Variants in GNA11 observed in about 807,000 individuals in gnomAD.
The protein encoded by GNA11 is G protein subunit alpha 11, also known as guanine nucleotide-binding protein subunit alpha-11.
GNA11 carries 8 observed loss-of-function variants against 38.2 expected under a neutral mutation model. The ratio of observed to expected loss-of-function variants is 0.21; its 90% CI spans 0.12 to 0.38. GNA11 has a LOEUF of 0.38. GNA11 is among the 10% of genes least tolerant of loss of function. The probability of loss-of-function intolerance (pLI) is 1.00; values close to 1 mark genes in which losing one functional copy is unlikely to be tolerated. For missense variants in GNA11, 268 were observed against 516.3 expected (o/e 0.52, Z 4.66); for synonymous variants, 211 against 221.4 (o/e 0.95, Z 0.42).
Position 3,094,430 on chromosome 19 carries a change from T to C in GNA11, c.-222T>C, listed in dbSNP as rs1019667781. 2 of 146,372 alleles carry C rather than the reference T, an allele frequency of 1.4e-5. No homozygotes were observed. The highest frequency in any genetic ancestry group is 2.5e-5 in the African/African-American group (1 of 40,364). The allele number at this position is 146,372 out of a possible 1,614,324, so 9.1% of individuals were successfully genotyped here. On this transcript the variant is annotated 5_prime_UTR_variant, in exon 1 of 7. Transcript: ENST00000078429. The surrounding 1 kb of genome is among the most constrained non-coding windows in gnomAD (Gnocchi z 6.0). ...CGGTGGCTGCGGCGGCGGCGCGGGC[T>C]GAGTGCGGCCGCGCGGGAGTCCGCG...
At chr19:3,115,282 G>A in intron 4 of GNA11, 1 of 508,980 alleles carries the variant, frequency 2.0e-6, no homozygotes, top group South Asian at 2.4e-5. Flanking sequence ...GTGTGCACCT[G>A]TGGTCCCAGC....
At chr19:3,115,371 C>T (rs980118931) in intron 4 of GNA11, 16 of 325,744 alleles carry the variant, frequency 4.9e-5, no homozygotes, top group Admixed American at 1.9e-4. Context: ...CACCACTGGA[C>T]TCCAGCCTGG....
Position 3,122,720 on chromosome 19 carries a change from C to A in GNA11, c.*1541C>A, listed in dbSNP as rs113263228. On this transcript the variant is annotated 3_prime_UTR_variant, in exon 7 of 7. Coordinates refer to ENST00000078429, the MANE Select transcript of GNA11 (RefSeq NM_002067.5). This position sits in a 1 kb window ranked among gnomAD's most constrained non-coding sequence, Gnocchi z 7.7. ...CCTGCACGGCTGCTTCTGGCCTCGA[C>A]AGATGACAAAAGAAACAGCCCCAAA... The A allele has an allele frequency of 0.045, 10,462 of 233,512 alleles. 729 individuals carry two copies. The highest frequency in any genetic ancestry group is 0.18 in the Admixed American group (3,125 of 17,790). 14.5% of individuals were successfully genotyped at this position (233,512 alleles called of 1,614,324 possible). A position where few individuals can be genotyped will look rare whatever the true frequency, so the allele number is the denominator to read the frequency against.
Position 3,120,552 on chromosome 19 carries a change from C to T in GNA11, c.890-437C>T, listed in dbSNP as rs1347767483. 6.6e-6 allele frequency among the ~76,000 whole-genome samples: 1 copy of T among 152,042 alleles called. No homozygotes were observed. Among genetic ancestry groups the T allele is most frequent in the Non-Finnish European group, 1.5e-5 (1 of 67,968 alleles). On this transcript the variant is annotated intron_variant, in intron 6 of 6. Transcript: ENST00000078429. This position sits in a 1 kb window ranked among gnomAD's most constrained non-coding sequence, Gnocchi z 5.9. ...CCTGGATGTCTCTGAGGCCTGGCTGCAGCAGGGGCACCGTGGGTGGGTGGG... is the reference window on the plus strand; with the variant it reads ...CCTGGATGTCTCTGAGGCCTGGCTGTAGCAGGGGCACCGTGGGTGGGTGGG...
chr19:3,101,022 T>A (rs963755642), intron 1 of GNA11, among the ~76,000 whole-genome samples: 1 of 152,168 alleles, frequency 6.6e-6, no homozygotes, highest in African/African-American at 2.4e-5. Flanking sequence ...GGGACGGTGC[T>A]GGCCCAGGTT....
In GNA11 at chr19:3,110,232, G is replaced by A. The variant is rs777092144; in HGVS notation, c.220G>A (p.Gly74Ser). The A allele has an allele frequency of 1.5e-5, 25 of 1,613,808 alleles. No individual in the cohort carries two copies. The highest frequency in any genetic ancestry group is 4.5e-5 in the East Asian group (2 of 44,870). The change falls in exon 2 of 7, where the codon GGC (glycine) becomes AGC (serine). Residue 74 changes from glycine (G) to serine (S), a missense_variant. Physicochemically the swap from Gly to Ser is moderately conservative, Grantham distance 56. This residue lies in a region of GNA11 where 151 missense variants were observed against 254.0 expected (regional missense o/e 0.59). Transcript: ENST00000078429. This position sits in a 1 kb window ranked among gnomAD's most constrained non-coding sequence, Gnocchi z 5.4. ...GAGYSEEDKR[G>S]FTKLVYQNIF... Reference sequence around the variant, plus strand: ...CGGCTACTCGGAGGAGGACAAGCGCGGCTTCACCAAGCTCGTCTACCAGAA... The same window carrying A: ...CGGCTACTCGGAGGAGGACAAGCGCAGCTTCACCAAGCTCGTCTACCAGAA...
chr19:3,104,122 G>C (rs1332957505), intron 1 of GNA11, among the ~76,000 whole-genome samples: 2 of 152,270 alleles, frequency 1.3e-5, no homozygotes, highest in Admixed American at 6.5e-5. Flanking sequence ...GCCCGGCTTT[G>C]AATCTTGAGC....
In GNA11 at chr19:3,119,444, AG is replaced by A; in HGVS notation, c.889+87del. On this transcript the variant is annotated intron_variant, in intron 6 of 6. Coordinates refer to ENST00000078429, the MANE Select transcript of GNA11 (RefSeq NM_002067.5). The surrounding 1 kb of genome is among the most constrained non-coding windows in gnomAD (Gnocchi z 4.6). The stretch of plus-strand genomic sequence containing the variant: ...GCTGATATGGGAGAGGGGCTCATAC[AG>A]GCCGGGAGCTCTAAGGGAGGGCGTC... 1 of 1,298,492 alleles carries A rather than the reference AG, an allele frequency of 7.7e-7. No individual in the cohort carries two copies. The highest frequency in any genetic ancestry group is 1.3e-5 in the South Asian group (1 of 75,320). The allele number at this position is 1,298,492 out of a possible 1,614,324, so 80.4% of individuals were successfully genotyped here.
At chr19:3,116,672 G>A (rs1404803874) in intron 4 of GNA11, among the ~76,000 whole-genome samples, 1 of 152,236 alleles carries the variant, frequency 6.6e-6, no homozygotes, top group Non-Finnish European at 1.5e-5. Context: ...GGGTTCTGGT[G>A]TTCGTGCGTG....
rs941377447 is a variant in GNA11 at position 3,122,631 on chromosome 19, G to T, written c.*1452G>T. On this transcript the variant is annotated 3_prime_UTR_variant, in exon 7 of 7. Transcript: ENST00000078429. This position sits in a 1 kb window ranked among gnomAD's most constrained non-coding sequence, Gnocchi z 7.7. ...ACACTACAGCGCCCTGTGGTTCCGG[G>T]CTTCGCACAGCTGTCCCAGGGATGG... 2.6e-5 allele frequency: 6 copies of T among 233,236 alleles called. No individual in the cohort carries two copies. The highest frequency in any genetic ancestry group is 1.2e-3 in the Middle Eastern group (1 of 810). The allele number at this position is 233,236 out of a possible 1,614,324, so 14.4% of individuals were successfully genotyped here.
At chr19:3,114,631 G>A (rs2094496801) in intron 3 of GNA11, among the ~76,000 whole-genome samples, 1 of 152,184 alleles carries the variant, frequency 6.6e-6, no homozygotes, top group South Asian at 2.1e-4. Flanking sequence ...CTCCTTGGTG[G>A]CCGTCTCTGG....
Position 3,119,625 on chromosome 19 carries a change from G to A in GNA11, c.889+266G>A, listed in dbSNP as rs545915727. Among the ~76,000 whole-genome samples the A allele has an allele frequency of 2.2e-3, 341 of 151,654 alleles. 5 individuals are homozygous for A. The highest frequency in any genetic ancestry group is 8.1e-3 in the African/African-American group (333 of 41,312). ...TCCTTATACAGGAGGGGTCTCGGGTGGGAGGGGTCTCGGGCAGGGGGATCT... is the reference window on the plus strand; with the variant it reads ...TCCTTATACAGGAGGGGTCTCGGGTAGGAGGGGTCTCGGGCAGGGGGATCT... On this transcript the variant is annotated intron_variant, in intron 6 of 6. Coordinates refer to ENST00000078429, the MANE Select transcript of GNA11 (RefSeq NM_002067.5). This position sits in a 1 kb window ranked among gnomAD's most constrained non-coding sequence, Gnocchi z 4.6.
At chr19:3,113,193 C>G in intron 2 of GNA11, 137 bp from the exon 3 acceptor site, 1 of 752,784 alleles carries the variant, frequency 1.3e-6, no homozygotes, top group Non-Finnish European at 2.2e-6. Context: ...TCACACGGAA[C>G]TGTCAGTGGT....
chr19:3,119,561 G>T lies in GNA11; in HGVS notation c.889+202G>T, dbSNP rs913674026. Among the ~76,000 whole-genome samples, 8 of 150,190 alleles carry T rather than the reference G, an allele frequency of 5.3e-5. No homozygotes were observed. The highest frequency in any genetic ancestry group is 2.0e-4 in the African/African-American group (8 of 40,688). On this transcript the variant is annotated intron_variant, in intron 6 of 6. Coordinates refer to ENST00000078429, the MANE Select transcript of GNA11 (RefSeq NM_002067.5). This position sits in a 1 kb window ranked among gnomAD's most constrained non-coding sequence, Gnocchi z 4.6. ...GTACGGGAATGAGTTCTCCGACGCG[G>T]GTGTCTCATACCCGTGGGAGATCTG...
At chr19:3,103,344 C>G (rs1913551525) in intron 1 of GNA11, among the ~76,000 whole-genome samples, 1 of 151,556 alleles carries the variant, frequency 6.6e-6, no homozygotes, top group African/African-American at 2.4e-5. Flanking sequence ...TCCCGAGAAG[C>G]TGGGATTACA....
rs949569638 is a variant in GNA11 at position 3,110,753 on chromosome 19, A to G, written c.321+420A>G. ...CTCGTTTCGGCCCTGACACTCACCC[A>G]TGGGGCTGTACTTCTCACCTTCTCA... is the stretch of plus-strand genomic sequence containing the variant. On this transcript the variant is annotated intron_variant, in intron 2 of 6. Coordinates refer to ENST00000078429, the MANE Select transcript of GNA11 (RefSeq NM_002067.5). This position sits in a 1 kb window ranked among gnomAD's most constrained non-coding sequence, Gnocchi z 5.4. 5.3e-5 allele frequency among the ~76,000 whole-genome samples: 8 copies of G among 152,012 alleles called. No homozygotes were observed. Among genetic ancestry groups the G allele is most frequent in the Admixed American group, 2.0e-4 (3 of 15,266 alleles).
intron 1 of GNA11, among the ~76,000 whole-genome samples, chr19:3,098,108 C>T (rs1187447886): frequency 2.0e-5 from 3 of 152,178 alleles, no homozygotes; most frequent in African/African-American, 4.8e-5. Context: ...CCGTCAAAGC[C>T]GTGTGTGTGT....
chr19:3,106,846 C>G (rs1913651959), intron 1 of GNA11, among the ~76,000 whole-genome samples: 1 of 152,238 alleles, frequency 6.6e-6, no homozygotes, highest in Non-Finnish European at 1.5e-5. Context: ...TGTGAGCCAC[C>G]TCCCTCCCCC....
In GNA11 at chr19:3,121,059, C is replaced by T. The variant is rs150929326; in HGVS notation, c.960C>T (p.Ser320=). ...LKMFVDLNPD[S]DKIIYSHFTC... is the part of the protein sequence containing the mutation. ...TGTTCGTGGACCTGAACCCCGACAGCGACAAGATCATCTACTCACACTTCA... is the reference window on the plus strand; with the variant it reads ...TGTTCGTGGACCTGAACCCCGACAGTGACAAGATCATCTACTCACACTTCA... The change falls in exon 7 of 7, where the codon AGC becomes AGT. Residue 320 remains serine (S), a synonymous_variant. Coordinates refer to ENST00000078429, the MANE Select transcript of GNA11 (RefSeq NM_002067.5). 1.4e-5 allele frequency: 22 copies of T among 1,613,668 alleles called. No individual in the cohort carries two copies. The highest frequency in any genetic ancestry group is 8.0e-5 in the African/African-American group (6 of 75,016).
Sources: allele counts gnomAD v4.1 joint callset (sites outside exome capture counted in the v4.1 genomes callset), GRCh38; gene constraint gnomAD v4.1.1; regional missense constraint gnomAD v4.1.1; non-coding constraint Gnocchi (gnomAD v3.1); transcripts MANE v1.5; gene names NCBI Gene and HGNC (gene_info 2026-07-23, HGNC 2026-07-21).